Variants in ZBTB46 observed in about 807,000 individuals in gnomAD.
ZBTB46 encodes zinc finger and BTB domain-containing protein 46.
ZBTB46 carries 8 observed loss-of-function variants against 44.1 expected under a neutral mutation model. The ratio of observed to expected loss-of-function variants is 0.18; its 90% CI spans 0.11 to 0.33. The LOEUF is 0.33. Ranked by LOEUF, ZBTB46 falls within the 10% of genes least tolerant of loss-of-function variation. The pLI is 1.00. For synonymous variants in ZBTB46, 409 were observed against 382.3 expected (o/e 1.07, Z -0.81); for missense variants, 651 against 847.7 (o/e 0.77, Z 2.88).
chr20:63,830,099 A>G (rs905694580), intron 1 of ZBTB46, among the ~76,000 whole-genome samples: 4 of 152,212 alleles, frequency 2.6e-5, no homozygotes, highest in African/African-American at 9.6e-5. Context: ...TCTTTTGTTT[A>G]TATTTCTTCG....
At chr20:63,769,475 G>C in intron 3 of ZBTB46, 9 of 981,548 alleles carry the variant, frequency 9.2e-6, no homozygotes, top group Non-Finnish European at 1.1e-5. Context: ...CGATCTTCCC[G>C]GCATGCGGTG....
chr20:63,780,868 C>T (rs1313006870), intron 2 of ZBTB46, among the ~76,000 whole-genome samples: 3 of 150,400 alleles, frequency 2.0e-5, no homozygotes, highest in African/African-American at 7.4e-5. Context: ...CAGTGGCTCA[C>T]GCCTGTAATC....
chr20:63,776,939 G>GC (rs1181529263), intron 2 of ZBTB46, among the ~76,000 whole-genome samples: 1 of 152,054 alleles, frequency 6.6e-6, no homozygotes, highest in Non-Finnish European at 1.5e-5. Flanking sequence ...CGCACAGGAA[G>GC]AGATGCTCAG....
chr20:63,749,166 G>A (rs781636944), intron 4 of ZBTB46, among the ~76,000 whole-genome samples: 2 of 152,190 alleles, frequency 1.3e-5, no homozygotes, highest in African/African-American at 2.4e-5. Context: ...AGCCTGGACC[G>A]GGATGGGCGC....
In ZBTB46 at chr20:63,744,646, T is replaced by A. The variant is rs947442720; in HGVS notation, c.*2284A>T. 2.6e-5 allele frequency: 4 copies of A among 152,406 alleles called. No homozygotes were observed. The highest frequency in any genetic ancestry group is 9.6e-5 in the African/African-American group (4 of 41,470). The allele number at this position is 152,406 out of a possible 1,614,324, so 9.4% of individuals were successfully genotyped here. A position where few individuals can be genotyped will look rare whatever the true frequency, so the allele number is the denominator to read the frequency against. On this transcript the variant is annotated 3_prime_UTR_variant, in exon 5 of 5. Coordinates refer to ENST00000245663, the MANE Select transcript of ZBTB46 (RefSeq NM_001369741.1). ...GCCTCCTGAGATGGACGTGCTCACC[T>A]GGGCCTCGGAAATCCCACACTCTTC...
At chr20:63,828,393 G>A (rs541268001) in intron 1 of ZBTB46, among the ~76,000 whole-genome samples, 62 of 152,342 alleles carry the variant, frequency 4.1e-4, no homozygotes, top group African/African-American at 1.4e-3. Context: ...GGCCTTAATA[G>A]AGATTTTGAA....
At chr20:63,801,228 A>G (rs1484511699) in intron 1 of ZBTB46, among the ~76,000 whole-genome samples, 1 of 152,052 alleles carries the variant, frequency 6.6e-6, no homozygotes, top group Non-Finnish European at 1.5e-5. Context: ...AGCACTCTGT[A>G]TCTGGCTCAA....
intron 1 of ZBTB46, among the ~76,000 whole-genome samples, chr20:63,821,309 C>A (rs12481524): frequency 0.079 from 11,913 of 151,338 alleles, 922 homozygotes; most frequent in East Asian, 0.45. Flanking sequence ...CTGTGCCTGG[C>A]CATTATTACT....
intron 3 of ZBTB46, among the ~76,000 whole-genome samples, chr20:63,775,070 G>T (rs1430934730): frequency 6.6e-6 from 1 of 152,196 alleles, no homozygotes; most frequent in East Asian, 1.9e-4. Flanking sequence ...AGTCTGGGGT[G>T]AGCCCGACAC....
At chr20:63,791,510 A>AC (rs1244953920) in intron 1 of ZBTB46, among the ~76,000 whole-genome samples, 1 of 151,800 alleles carries the variant, frequency 6.6e-6, no homozygotes, top group Non-Finnish European at 1.5e-5. Context: ...AAAAAAAAAA[A>AC]AAAAAAAAAC....
At chr20:63,807,236 C>G (rs2092687439) in intron 1 of ZBTB46, among the ~76,000 whole-genome samples, 1 of 152,044 alleles carries the variant, frequency 6.6e-6, no homozygotes, top group South Asian at 2.1e-4. Flanking sequence ...ATTGACTTTT[C>G]TTTTTGGAAG....
At chr20:63,785,358 C>G (rs935470831) in intron 2 of ZBTB46, among the ~76,000 whole-genome samples, 29 of 151,354 alleles carry the variant, frequency 1.9e-4, no homozygotes, top group African/African-American at 6.6e-4. Flanking sequence ...GTCAGGAGTT[C>G]GAGACAAGCC....
At chr20:63,812,663 C>A (rs1426970767) in intron 1 of ZBTB46, among the ~76,000 whole-genome samples, 1 of 152,124 alleles carries the variant, frequency 6.6e-6, no homozygotes, top group Non-Finnish European at 1.5e-5. Flanking sequence ...CCTGTAATCC[C>A]AACTACTCGG....
At chr20:63,747,501 G>GAA (rs1317659588) in intron 4 of ZBTB46, among the ~76,000 whole-genome samples, 200 bp from the exon 5 acceptor site, 6 of 56,476 alleles carry the variant, frequency 1.1e-4, no homozygotes, top group East Asian at 1.7e-3. Flanking sequence ...GTGGAGGTTG[G>GAA]GAGGGGGGCC....
chr20:63,753,380 C>T (rs961011952), intron 3 of ZBTB46, among the ~76,000 whole-genome samples: 3 of 152,212 alleles, frequency 2.0e-5, no homozygotes, highest in African/African-American at 7.2e-5. Flanking sequence ...TCTTGCTGGA[C>T]GCCGGAGAAG....
chr20:63,753,822 C>T (rs904130601), intron 3 of ZBTB46, among the ~76,000 whole-genome samples: 3 of 152,256 alleles, frequency 2.0e-5, no homozygotes, highest in African/African-American at 7.2e-5. Context: ...CTGCTGAACA[C>T]GTTTCTGTGT....
intron 1 of ZBTB46, among the ~76,000 whole-genome samples, chr20:63,794,973 G>A (rs1215356797): frequency 6.6e-6 from 1 of 151,532 alleles, no homozygotes; most frequent in Non-Finnish European, 1.5e-5. Flanking sequence ...TCAGAGAGGA[G>A]CTCCCGATCC....
At chr20:63,809,713 A>G (rs944327499) in intron 1 of ZBTB46, among the ~76,000 whole-genome samples, 1 of 152,216 alleles carries the variant, frequency 6.6e-6, no homozygotes, top group East Asian at 1.9e-4. Context: ...TGAAATCCCA[A>G]CGCTGAGGGA....
chr20:63,825,708 G>A (rs1395085450), intron 1 of ZBTB46, among the ~76,000 whole-genome samples: 1 of 152,144 alleles, frequency 6.6e-6, no homozygotes, highest in Non-Finnish European at 1.5e-5. Context: ...CCAGGCCTTC[G>A]AGTTTCTTCA....
Sources: allele counts gnomAD v4.1 joint callset (sites outside exome capture counted in the v4.1 genomes callset), GRCh38; gene constraint gnomAD v4.1.1; transcripts MANE v1.5; gene names NCBI Gene and HGNC (gene_info 2026-07-23, HGNC 2026-07-21).